Variants in CTNNA1 observed in about 807,000 individuals in gnomAD.
CTNNA1 encodes the protein catenin alpha-1.
In CTNNA1, 37 loss-of-function variants were observed where a neutral mutation model predicts 98.4. The observed-to-expected ratio is 0.38, with a 90% CI of 0.29 to 0.49. CTNNA1 has a LOEUF of 0.49. Among genes scored for constraint, CTNNA1 ranks in the 20% least tolerant of loss-of-function variants. CTNNA1 has a pLI of 0.95. For missense variants in CTNNA1, 761 were observed against 1,147.2 expected, an observed-to-expected ratio of 0.66 and a Z score of 4.86; for synonymous variants, 404 against 413.2, an observed-to-expected ratio of 0.98 and a Z score of 0.27.
chr5:138,923,702 A>G (rs750898573), intron 11 of CTNNA1, among the ~76,000 whole-genome samples: 65 of 152,066 alleles, frequency 4.3e-4, no homozygotes, highest in Non-Finnish European at 8.2e-4. Context: ...TCATTTATCC[A>G]CCCTTCTCTT....
intron 10 of CTNNA1, among the ~76,000 whole-genome samples, chr5:138,913,058 CTTTTT>C (rs35292208): frequency 6.8e-6 from 1 of 146,214 alleles, no homozygotes; most frequent in African/African-American, 2.5e-5. Flanking sequence ...ACTGAAGTGA[CTTTTT>C]TTTTTTTAAC....
intron 3 of CTNNA1, among the ~76,000 whole-genome samples, chr5:138,791,642 A>AAAAAG (rs1561530003): frequency 3.5e-4 from 52 of 147,358 alleles, no homozygotes; most frequent in African/African-American, 5.7e-4. Flanking sequence ...AAAAAAAAAA[A>AAAAAG]GGGTCTTGTT....
At chr5:138,906,558 A>G (rs1309875426) in intron 10 of CTNNA1, among the ~76,000 whole-genome samples, 1 of 152,220 alleles carries the variant, frequency 6.6e-6, no homozygotes, top group Non-Finnish European at 1.5e-5. Context: ...CCAGGAAAAA[A>G]ATCACACGGA....
chr5:138,869,032 C>T (rs1008768874), intron 7 of CTNNA1: 2 of 149,530 alleles, frequency 1.3e-5, no homozygotes, highest in East Asian at 2.0e-4. Context: ...TTCTTCCCAC[C>T]CTCAACCCAT....
chr5:138,849,885 G>GT, intron 7 of CTNNA1, among the ~76,000 whole-genome samples: 1 of 152,044 alleles, frequency 6.6e-6, no homozygotes, highest in South Asian at 2.1e-4. Context: ...GTCTAAAAGA[G>GT]TATCTAATGA....
intron 7 of CTNNA1, among the ~76,000 whole-genome samples, chr5:138,830,254 CG>C (rs921381461): frequency 6.6e-6 from 1 of 151,218 alleles, no homozygotes; most frequent in Admixed American, 6.6e-5. Flanking sequence ...CCCAGCTACT[CG>C]GGAGGCTGAG....
At position 138,827,709 on chromosome 5, in the gene CTNNA1, C is replaced by T. The variant is rs1304131217; in HGVS notation, c.1053C>T (p.Tyr351=). The T allele has an allele frequency of 2.5e-6, 4 of 1,614,034 alleles. No homozygotes were observed. The African/African-American group carries it at 5.3e-5, about 22-fold the overall frequency. Residue 351 remains tyrosine, a synonymous_variant, in exon 7 of 18, where the codon TAC becomes TAT. Transcript: ENST00000302763. ...RQALQDLLSE[Y]MGNAGRKERS... ...CCCTGCAGGACCTGCTTTCGGAGTA[C>T]ATGGGCAATGTGAGTTTGACAGCTT...
rs1755342562 is a variant in CTNNA1, at chr5:138,783,355, A to C, written c.284A>C (p.Glu95Ala). ...AAGGAGGAGCTTGTGGCTGCTGTAG[A>C]AGATGTTCGAAAACAAGGTAGGTCA... ...FLKEELVAAVEDVRKQGDLMK... is the reference protein window; with the variant it reads ...FLKEELVAAVADVRKQGDLMK... Residue 95 changes from glutamate to alanine, a missense_variant, in exon 3 of 18, where the codon GAA becomes GCA. Physicochemically the swap from Glu to Ala is moderately radical, Grantham distance 107. Transcript: ENST00000302763. The C allele has an allele frequency of 1.2e-6, 2 of 1,613,534 alleles. No individual in the cohort carries two copies. Among genetic ancestry groups the C allele is most frequent in the Non-Finnish European group, 1.7e-6 (2 of 1,179,590 alleles).
chr5:138,903,928 T>G (rs1427816499), intron 9 of CTNNA1, among the ~76,000 whole-genome samples: 2 of 152,250 alleles, frequency 1.3e-5, no homozygotes, highest in Non-Finnish European at 2.9e-5. Flanking sequence ...CTTAGAGTTT[T>G]TTATTTCCTT....
In CTNNA1 at chr5:138,873,744, A is replaced by G; in HGVS notation, c.1063-12468A>G. On this transcript the variant is annotated intron_variant, in intron 7 of 17. Coordinates refer to ENST00000302763, the MANE Select transcript of CTNNA1 (RefSeq NM_001903.5). The surrounding 1 kb of genome is among the most constrained non-coding windows in gnomAD (Gnocchi z 6.1). ...ATTTTAAGATTGGGCATCGTTTCAAACACTGTCAAGTCGATGGCTTTGATT... is the reference window on the plus strand; with the variant it reads ...ATTTTAAGATTGGGCATCGTTTCAAGCACTGTCAAGTCGATGGCTTTGATT... 1 of 1,614,038 alleles carries G rather than the reference A, an allele frequency of 6.2e-7. No individual in the cohort carries two copies. Among genetic ancestry groups the G allele is most frequent in the Non-Finnish European group, 8.5e-7 (1 of 1,179,902 alleles).
intron 5 of CTNNA1, among the ~76,000 whole-genome samples, chr5:138,817,144 G>A (rs759504444): frequency 2.6e-5 from 4 of 152,170 alleles, no homozygotes; most frequent in Non-Finnish European, 4.4e-5. Flanking sequence ...TCTTCACTCT[G>A]TTGATTATTT....
At chr5:138,796,318 A>G (rs1410107510) in intron 3 of CTNNA1, among the ~76,000 whole-genome samples, 3 of 152,218 alleles carry the variant, frequency 2.0e-5, no homozygotes, top group African/African-American at 7.2e-5. Flanking sequence ...GCACTTTGGG[A>G]GGCCAAGGCA....
chr5:138,875,890 T>C (rs1026151743), intron 7 of CTNNA1, among the ~76,000 whole-genome samples: 5 of 152,200 alleles, frequency 3.3e-5, no homozygotes, highest in Admixed American at 6.5e-5. Context: ...CTTAACATTA[T>C]AAACGAAGAA....
intron 7 of CTNNA1, among the ~76,000 whole-genome samples, chr5:138,866,936 C>T (rs1181305437): frequency 1.3e-5 from 2 of 151,898 alleles, no homozygotes; most frequent in African/African-American, 4.8e-5. Context: ...CATGACTACC[C>T]CAAATTTTTA....
At chr5:138,801,684 T>C (rs1757593744) in intron 3 of CTNNA1, among the ~76,000 whole-genome samples, 1 of 152,236 alleles carries the variant, frequency 6.6e-6, no homozygotes, top group Admixed American at 6.5e-5. Flanking sequence ...TTATGCAAAG[T>C]GTGTAGTTGT....
intron 3 of CTNNA1, among the ~76,000 whole-genome samples, chr5:138,784,835 T>C (rs1292544358): frequency 1.3e-5 from 2 of 152,166 alleles, no homozygotes; most frequent in African/African-American, 4.8e-5. Context: ...GCCTTTGTTA[T>C]CATATACTTT....
chr5:138,873,983 A>T lies in CTNNA1; in HGVS notation c.1063-12229A>T. ...AAATCCATTGCGAGCCAAACTTCGC[A>T]AACGATTTGTGCTCAAATCCAGAAA... On this transcript the variant is annotated intron_variant, in intron 7 of 17. Coordinates refer to ENST00000302763, the MANE Select transcript of CTNNA1 (RefSeq NM_001903.5). This position sits in a 1 kb window ranked among gnomAD's most constrained non-coding sequence, Gnocchi z 6.1. 6.2e-7 allele frequency: 1 copy of T among 1,614,018 alleles called. No homozygotes were observed.
rs115438318 is a variant in CTNNA1, at chr5:138,826,090, T to G, written c.858+1291T>G. ...TCTATGACCATTCATTTCTCATTTT[T>G]GTTGGCCAGAAAGCATTTTGTATTC... On this transcript the variant is annotated intron_variant, in intron 6 of 17. Coordinates refer to ENST00000302763, the MANE Select transcript of CTNNA1 (RefSeq NM_001903.5). Among the ~76,000 whole-genome samples the G allele has an allele frequency of 0.018, 2,739 of 152,320 alleles. 54 individuals carry two copies. The highest frequency in any genetic ancestry group is 0.03 in the Non-Finnish European group (2,038 of 68,026).
intron 7 of CTNNA1, among the ~76,000 whole-genome samples, chr5:138,845,348 CA>C (rs978636159): frequency 7.9e-5 from 12 of 152,072 alleles, no homozygotes; most frequent in African/African-American, 2.9e-4. Context: ...GGTGAATCAA[CA>C]GTTTTAGGGG....
Sources: gnomAD v4.1 joint callset for allele counts (sites outside exome capture counted in the v4.1 genomes callset) on GRCh38, gnomAD v4.1.1 for gene constraint, Gnocchi (gnomAD v3.1) non-coding constraint, MANE v1.5 for transcripts, NCBI Gene and HGNC (gene_info 2026-07-23, HGNC 2026-07-21) for gene names.